FRYL: variants seen among roughly 807,000 people sequenced by gnomAD.
The protein encoded by FRYL is protein furry homolog-like.
FRYL carries 150 observed loss-of-function variants against 351.2 expected under a neutral mutation model. That is an observed-to-expected ratio of 0.43 (90% CI 0.37 to 0.49). FRYL has a LOEUF of 0.49. Ranked by LOEUF, FRYL falls within the 20% of genes least tolerant of loss-of-function variation. The pLI is 0.00. For synonymous variants in FRYL, 1,153 were observed against 1,257.1 expected, an observed-to-expected ratio of 0.92 and a Z score of 1.75; for missense variants, 3,036 against 3,619.3, an observed-to-expected ratio of 0.84 and a Z score of 4.13.
chr4:48,766,890 C>T (rs1775000252), intron 1 of FRYL, among the ~76,000 whole-genome samples: 1 of 150,958 alleles, frequency 6.6e-6, no homozygotes, highest in South Asian at 2.1e-4. Flanking sequence ...TCTGTAGATT[C>T]ACGGATTTCC....
chr4:48,680,402 C>A (rs558577544), intron 3 of FRYL, among the ~76,000 whole-genome samples: 53 of 151,948 alleles, frequency 3.5e-4, no homozygotes, highest in African/African-American at 1.2e-3. Flanking sequence ...AACATATTAA[C>A]CATTATCCTC....
intron 1 of FRYL, among the ~76,000 whole-genome samples, chr4:48,739,511 A>T (rs1771816894): frequency 6.6e-6 from 1 of 152,112 alleles, no homozygotes; most frequent in Admixed American, 6.5e-5. Flanking sequence ...GGACATTCAC[A>T]TGCAAAAAAA....
chr4:48,626,673 A>G (rs2149342140), intron 4 of FRYL, among the ~76,000 whole-genome samples: 1 of 152,246 alleles, frequency 6.6e-6, no homozygotes, highest in South Asian at 2.1e-4. Context: ...TAAACTGTCT[A>G]TATCATGTAT....
At chr4:48,766,079 C>A (rs1423652484) in intron 1 of FRYL, among the ~76,000 whole-genome samples, 1 of 152,068 alleles carries the variant, frequency 6.6e-6, no homozygotes, top group African/African-American at 2.4e-5. Flanking sequence ...GGAGGTTCCT[C>A]AAAAAATTAA....
chr4:48,715,625 G>C (rs1358431324), intron 1 of FRYL, among the ~76,000 whole-genome samples: 1 of 151,710 alleles, frequency 6.6e-6, no homozygotes, highest in African/African-American at 2.4e-5. Context: ...AATAAAAGAG[G>C]ATACAAACAA....
Position 48,535,739 on chromosome 4 carries a change from G to A in FRYL, c.6482C>T (p.Ser2161Phe). 1.2e-6 allele frequency: 2 copies of A among 1,611,138 alleles called. No individual in the cohort carries two copies. The highest frequency in any genetic ancestry group is 1.7e-6 in the Non-Finnish European group (2 of 1,178,238). ...TCTGCACACGACATTGATCCAGTTA[G>A]AACAGTCTCTGGAATACGTGTGTGT... is the stretch of plus-strand genomic sequence containing the variant. ...YSTHTYSRDC[S>F]NWINVVCRYL... The change falls in exon 48 of 64, where the codon TCT becomes TTT. Residue 2161 changes from serine to phenylalanine, a missense_variant. Ser to Phe is a radical substitution (Grantham distance 155). Around this residue, in one of 7 missense-constraint regions of FRYL, gnomAD observed 1,987 missense variants for 2,311.7 expected, o/e 0.86. Transcript: ENST00000358350.
intron 11 of FRYL, among the ~76,000 whole-genome samples, chr4:48,604,844 T>C (rs1167675639): frequency 6.6e-6 from 1 of 152,160 alleles, no homozygotes; most frequent in Non-Finnish European, 1.5e-5. Context: ...CATTGTCAAG[T>C]GCCTCTCTTC....
At chr4:48,707,803 A>C (rs1224499084) in intron 2 of FRYL, among the ~76,000 whole-genome samples, 1 of 151,878 alleles carries the variant, frequency 6.6e-6, no homozygotes, top group African/African-American at 2.4e-5. Flanking sequence ...AATTTGTTTC[A>C]AAAAGTATCT....
chr4:48,578,096 T>TAA (rs1195994354), intron 23 of FRYL, among the ~76,000 whole-genome samples: 3 of 141,988 alleles, frequency 2.1e-5, no homozygotes, highest in Non-Finnish European at 4.6e-5. Flanking sequence ...ATGCAAAAAT[T>TAA]AAAAAAAAAA....
At chr4:48,586,528 C>A in intron 19 of FRYL, 93 bp downstream of exon 19, 1 of 785,976 alleles carries the variant, frequency 1.3e-6, no homozygotes, top group Non-Finnish European at 2.1e-6. Flanking sequence ...TCTTTAACAT[C>A]GCCTTTTTAG....
chr4:48,548,863 A>C (rs939291283), intron 39 of FRYL, 70 bp from the exon 40 acceptor site: 1 of 885,748 alleles, frequency 1.1e-6, no homozygotes. Context: ...TTGGTACAAA[A>C]TTACTTGAAG....
intron 3 of FRYL, among the ~76,000 whole-genome samples, chr4:48,665,073 G>A (rs1019083585): frequency 3.9e-5 from 6 of 152,170 alleles, no homozygotes; most frequent in Non-Finnish European, 7.4e-5. Context: ...CATAAAACCA[G>A]TAAGAAAGTA....
intron 1 of FRYL, among the ~76,000 whole-genome samples, chr4:48,769,107 C>A (rs570892572): frequency 7.9e-5 from 12 of 152,146 alleles, no homozygotes; most frequent in Non-Finnish European, 1.8e-4. Flanking sequence ...GCACTCCAGC[C>A]TGAGTAACAG....
At chr4:48,735,981 A>T (rs1428570138) in intron 1 of FRYL, among the ~76,000 whole-genome samples, 1 of 147,380 alleles carries the variant, frequency 6.8e-6, no homozygotes, top group Non-Finnish European at 1.5e-5. Flanking sequence ...TAAAAAAAAA[A>T]AAAAAAAAAA....
rs751123769 is a variant in FRYL, at chr4:48,579,101, T to C, written c.2400A>G (p.Pro800=). The part of the protein sequence containing the change: ...IFAHVTQGQD[P]WIISLSSFLK... ...AAAAACTGGAGAGACTTATAATCCA[T>C]GGGTCTTGGCCTTGGGTCACATGTG... is the stretch of plus-strand genomic sequence containing the variant. The change falls in exon 23 of 64, where the codon CCA becomes CCG. Residue 800 remains proline, a synonymous_variant. Coordinates refer to ENST00000358350, the MANE Select transcript of FRYL (RefSeq NM_015030.2). The C allele has an allele frequency of 1.2e-6, 2 of 1,614,046 alleles. No individual in the cohort carries two copies. The highest frequency in any genetic ancestry group is 1.7e-5 in the Admixed American group (1 of 60,012).
At chr4:48,678,507 C>CAAAAAAAAA (rs10639089) in intron 3 of FRYL, among the ~76,000 whole-genome samples, 15 of 71,746 alleles carry the variant, frequency 2.1e-4, no homozygotes, top group East Asian at 4.3e-4. Flanking sequence ...AACTCCATCT[C>CAAAAAAAAA]AAAAAAAAAA....
rs1280149253 is a variant in FRYL, at chr4:48,557,053, G to A, written c.4191C>T (p.Pro1397=). 2.5e-6 allele frequency: 4 copies of A among 1,607,112 alleles called. No homozygotes were observed. The African/African-American group carries it at 5.4e-5, about 22-fold the overall frequency. ...NVWTTLADGW[P]KNLKIILHFL... is the part of the protein sequence containing the mutation. ...AGTGCAAAATTATTTTCAGGTTTTT[G>A]GGCCAGCCATCTGCAAGTGTGGTCC... Residue 1397 remains proline, a synonymous_variant, in exon 35 of 64, where the codon CCC becomes CCT. Transcript: ENST00000358350.
In FRYL at chr4:48,512,580, A is replaced by G; in HGVS notation, c.8046T>C (p.Asp2682=). 1 of 1,614,044 alleles carries G rather than the reference A, an allele frequency of 6.2e-7. No individual in the cohort carries two copies. The highest frequency in any genetic ancestry group is 8.5e-7 in the Non-Finnish European group (1 of 1,179,928). ...CGTGGCAGCGCCAGGCTTCCTCTTC[A>G]TCATCATATGCCACGGGCTGAAAGG... is the stretch of plus-strand genomic sequence containing the variant. ...IAAFQPVAYD[D]EEEAWRCHVN... The change falls in exon 57 of 64, where the codon GAT becomes GAC. Residue 2682 remains aspartate, a synonymous_variant. Coordinates refer to ENST00000358350, the MANE Select transcript of FRYL (RefSeq NM_015030.2).
intron 35 of FRYL, among the ~76,000 whole-genome samples, chr4:48,556,591 C>T (rs986989397): frequency 6.6e-6 from 1 of 152,174 alleles, no homozygotes; most frequent in Admixed American, 6.5e-5. Flanking sequence ...CACTTTCTCT[C>T]AAGTGTCATC....
Sources: gnomAD v4.1 joint callset for allele counts (sites outside exome capture counted in the v4.1 genomes callset) on GRCh38, gnomAD v4.1.1 for gene constraint, gnomAD v4.1.1 regional missense constraint, MANE v1.5 for transcripts, NCBI Gene and HGNC (gene_info 2026-07-23, HGNC 2026-07-21) for gene names.